NMT1: variants seen among roughly 807,000 people sequenced by gnomAD.
NMT1 encodes the protein glycylpeptide N-tetradecanoyltransferase 1.
NMT1 carries 12 observed loss-of-function variants against 63.4 expected under a neutral mutation model. The observed-to-expected ratio is 0.19, with a 90% confidence interval of 0.12 to 0.31. NMT1 has a LOEUF of 0.31. Ranked by LOEUF, NMT1 falls within the 10% of genes least tolerant of loss-of-function variation. The probability of loss-of-function intolerance (pLI) is 1.00; values close to 1 mark genes in which losing one functional copy is unlikely to be tolerated. For synonymous variants in NMT1, 228 were observed against 234.3 expected (o/e 0.97, Z 0.25); for missense variants, 432 against 634.6 (o/e 0.68, Z 3.43).
In NMT1 at chr17:45,081,730, C is replaced by T. The variant is rs2054018267; in HGVS notation, c.218C>T (p.Ser73Leu). The T allele has an allele frequency of 1.3e-6, 2 of 1,582,834 alleles. No homozygotes were observed. Among genetic ancestry groups the T allele is most frequent in the East Asian group, 2.3e-5 (1 of 43,152 alleles). The change falls in exon 2 of 12, where the codon TCA (serine) becomes TTA (leucine). Residue 73 changes from serine to leucine, a missense_variant. This residue lies in a region of NMT1 where 121 missense variants were observed against 103.7 expected (regional missense o/e 1.17). Transcript: ENST00000258960. Reference sequence around the variant, plus strand: ...AAAGAAAAAGGCAGTGAGACAGATTCAGCCCAGGATCAGCCTGTGAAGGTA... The same window carrying T: ...AAAGAAAAAGGCAGTGAGACAGATTTAGCCCAGGATCAGCCTGTGAAGGTA... ...KKKEKGSETD[S>L]AQDQPVKMNS...
intron 1 of NMT1, chr17:45,061,744 C>G (rs1016546921): frequency 6.2e-6 from 2 of 321,536 alleles, no homozygotes; most frequent in African/African-American, 4.2e-5. Context: ...GCATGTTGGA[C>G]GATGGTTTTC....
intron 1 of NMT1, among the ~76,000 whole-genome samples, chr17:45,079,844 C>G (rs1480230674): frequency 6.6e-6 from 1 of 152,244 alleles, no homozygotes; most frequent in African/African-American, 2.4e-5. Context: ...GGACTATAGG[C>G]GCCTGCCACC....
In NMT1 at chr17:45,105,659, T is replaced by G; in HGVS notation, c.*20T>G. 1 of 1,610,716 alleles carries G rather than the reference T, an allele frequency of 6.2e-7. No homozygotes were observed. On this transcript the variant is annotated 3_prime_UTR_variant, in exon 12 of 12. Coordinates refer to ENST00000258960, the MANE Select transcript of NMT1 (RefSeq NM_021079.5). The surrounding 1 kb of genome is among the most constrained non-coding windows in gnomAD (Gnocchi z 4.2). ...CAATAACCAGTCACCAGTGCGATTCTGGATAAAGCCACTGAAAATTCGAAC... is the reference window on the plus strand; with the variant it reads ...CAATAACCAGTCACCAGTGCGATTCGGGATAAAGCCACTGAAAATTCGAAC...
In NMT1 at chr17:45,104,951, G is replaced by A. The variant is rs2054193172; in HGVS notation, c.1425G>A (p.Gln475=). 2 of 1,614,198 alleles carry A rather than the reference G, an allele frequency of 1.2e-6. No individual in the cohort carries two copies. The change falls in exon 11 of 12, where the codon CAG becomes CAA. Residue 475 remains glutamine, a synonymous_variant. Coordinates refer to ENST00000258960, the MANE Select transcript of NMT1 (RefSeq NM_021079.5). The surrounding 1 kb of genome is among the most constrained non-coding windows in gnomAD (Gnocchi z 4.2). ...TTGGCATAGGGGACGGCAACCTGCA[G>A]TATTACCTTTACAATTGGAAATGCC... The part of the protein sequence containing the change: ...LKFGIGDGNL[Q]YYLYNWKCPS...
chr17:45,087,612 C>G (rs2054063029), intron 3 of NMT1, among the ~76,000 whole-genome samples: 1 of 152,180 alleles, frequency 6.6e-6, no homozygotes, highest in Admixed American at 6.6e-5. Context: ...GTGGTTGTAA[C>G]ATGATTCTGG....
At chr17:45,094,494 C>CA (rs777448458) in intron 4 of NMT1, among the ~76,000 whole-genome samples, 1,335 of 105,680 alleles carry the variant, frequency 0.013, 7 homozygotes, top group Middle Eastern at 0.034. Flanking sequence ...CTCTTTGTCT[C>CA]AAAAAAAAAA....
intron 1 of NMT1, 133 bp downstream of exon 1, chr17:45,061,593 C>G: frequency 1.3e-6 from 1 of 771,584 alleles, no homozygotes; most frequent in Admixed American, 3.2e-5. Context: ...AGGATTCTGC[C>G]TGGCGATTGG....
intron 1 of NMT1, among the ~76,000 whole-genome samples, chr17:45,073,149 G>A (rs370960092): frequency 1.1e-3 from 161 of 152,182 alleles, no homozygotes; most frequent in African/African-American, 3.6e-3. Context: ...CTGGCCGGGC[G>A]CGGTGGCTCA....
rs1210979641 is a variant in NMT1 at position 45,107,611 on chromosome 17, A to G, written c.*1972A>G. The G allele has an allele frequency of 1.3e-5, 2 of 152,526 alleles. No homozygotes were observed. Among genetic ancestry groups the G allele is most frequent in the Non-Finnish European group, 2.9e-5 (2 of 68,074 alleles). 9.4% of individuals were successfully genotyped at this position (152,526 alleles called of 1,614,324 possible). A position where few individuals can be genotyped will look rare whatever the true frequency, so the allele number is the denominator to read the frequency against. Reference sequence around the variant, plus strand: ...GCTCACCCTGTCCAGACCTTTGAGGATATCAAAGGACAAAGTGCCCAAGTC... The same window carrying G: ...GCTCACCCTGTCCAGACCTTTGAGGGTATCAAAGGACAAAGTGCCCAAGTC... On this transcript the variant is annotated 3_prime_UTR_variant, in exon 12 of 12. Coordinates refer to ENST00000258960, the MANE Select transcript of NMT1 (RefSeq NM_021079.5).
chr17:45,073,816 A>G (rs997635325), intron 1 of NMT1, among the ~76,000 whole-genome samples: 2 of 152,194 alleles, frequency 1.3e-5, no homozygotes, highest in African/African-American at 4.8e-5. Flanking sequence ...TTTGCCTCAC[A>G]TCTCTGGGCC....
chr17:45,096,282 T>G lies in NMT1; in HGVS notation c.593T>G (p.Leu198Trp). Residue 198 changes from leucine to tryptophan, a missense_variant, in exon 5 of 12, where the codon TTG becomes TGG. This residue lies in a region of NMT1 where 295 missense variants were observed against 489.7 expected (regional missense o/e 0.60). Transcript: ENST00000258960. ...TTTGATTATTCCCCGGAGTTTCTTT[T>G]GTGGTAAGTTGTGGGGGCTTTCTTG... The part of the protein sequence containing the change: ...FRFDYSPEFL[L>W]WALRPPGWLP... 8.7e-6 allele frequency: 14 copies of G among 1,612,398 alleles called. No individual in the cohort carries two copies. Among genetic ancestry groups the G allele is most frequent in the Non-Finnish European group, 1.2e-5 (14 of 1,178,394 alleles).
intron 1 of NMT1, among the ~76,000 whole-genome samples, chr17:45,075,476 C>G (rs917673186): frequency 2.7e-5 from 4 of 148,518 alleles, no homozygotes; most frequent in African/African-American, 7.5e-5. Context: ...CAGAGCGAGA[C>G]TCTTGTCTTA....
In NMT1 at chr17:45,103,251, A is replaced by G; in HGVS notation, c.1164+130A>G. ...TGACCATCCGTGTTTGGTCCTCCCTAAAAACAGGGAGTTGGTGCTTGAATT... is the reference window on the plus strand; with the variant it reads ...TGACCATCCGTGTTTGGTCCTCCCTGAAAACAGGGAGTTGGTGCTTGAATT... On this transcript the variant is annotated intron_variant, in intron 9 of 11. Coordinates refer to ENST00000258960, the MANE Select transcript of NMT1 (RefSeq NM_021079.5). The surrounding 1 kb of genome is among the most constrained non-coding windows in gnomAD (Gnocchi z 4.8). 1.2e-6 allele frequency: 1 copy of G among 849,498 alleles called. No homozygotes were observed. The highest frequency in any genetic ancestry group is 1.8e-6 in the Non-Finnish European group (1 of 544,646). The allele number at this position is 849,498 out of a possible 1,614,324, so 52.6% of individuals were successfully genotyped here. A position where few individuals can be genotyped will look rare whatever the true frequency, so the allele number is the denominator to read the frequency against.
intron 1 of NMT1, among the ~76,000 whole-genome samples, chr17:45,064,110 G>A (rs906699753): frequency 3.3e-5 from 5 of 152,056 alleles, no homozygotes; most frequent in Admixed American, 6.6e-5. Context: ...ACTCGAACCC[G>A]GGAGGCGGAG....
intron 2 of NMT1, among the ~76,000 whole-genome samples, chr17:45,083,070 AC>A (rs1421255818): frequency 1.3e-5 from 2 of 151,544 alleles, no homozygotes; most frequent in Non-Finnish European, 2.9e-5. Context: ...TAATCTCAGC[AC>A]TTTGGGAGGC....
intron 1 of NMT1, among the ~76,000 whole-genome samples, chr17:45,079,659 T>C (rs2054001446): frequency 6.6e-6 from 1 of 152,258 alleles, no homozygotes; most frequent in African/African-American, 2.4e-5. Context: ...CGTGCACACA[T>C]GCACACGTGC....
rs933107286 is a variant in NMT1 at position 45,091,740 on chromosome 17, GTTTT to G, written c.386-1944_386-1941del. Among the ~76,000 whole-genome samples, 68 of 152,136 alleles carry G rather than the reference GTTTT, an allele frequency of 4.5e-4. 1 individual carries two copies. Among genetic ancestry groups the G allele is most frequent in the Non-Finnish European group, 1.2e-4 (8 of 68,026 alleles). On this transcript the variant is annotated intron_variant, in intron 3 of 11. Coordinates refer to ENST00000258960, the MANE Select transcript of NMT1 (RefSeq NM_021079.5). ...TACTTTATGAATAATCAAATGGTGG[GTTTT>G]GGCTGGGCGCCGTGGCTCATGCTAT...
At chr17:45,070,927 T>C (rs915815262) in intron 1 of NMT1, among the ~76,000 whole-genome samples, 10 of 152,180 alleles carry the variant, frequency 6.6e-5, no homozygotes, top group East Asian at 1.9e-4. Flanking sequence ...GTTTTTGATA[T>C]AACTAATTGG....
chr17:45,097,285 A>G (rs746729404), intron 6 of NMT1, 41 bp downstream of exon 6: 2 of 1,415,400 alleles, frequency 1.4e-6, no homozygotes, highest in Non-Finnish European at 2.0e-6. Context: ...CAACACCGCC[A>G]TCCTGCTTGG....
Sources: allele counts gnomAD v4.1 joint callset (sites outside exome capture counted in the v4.1 genomes callset), GRCh38; gene constraint gnomAD v4.1.1; regional missense constraint gnomAD v4.1.1; non-coding constraint Gnocchi (gnomAD v3.1); transcripts MANE v1.5; gene names NCBI Gene and HGNC (gene_info 2026-07-23, HGNC 2026-07-21).